MACC1: variants seen among roughly 807,000 people sequenced by gnomAD.
The protein encoded by MACC1 is MET transcriptional regulator MACC1.
MACC1 carries 79 observed loss-of-function variants against 70.7 expected under a neutral mutation model. That is an observed-to-expected ratio of 1.12 (90% CI 0.93 to 1.35). The LOEUF is 1.35. Ranked by LOEUF, MACC1 falls within the 40% of genes most tolerant of loss-of-function variation. MACC1 has a pLI of 0.00. For missense variants in MACC1, 1,106 were observed against 978.1 expected, an observed-to-expected ratio of 1.13 and a Z score of -1.74; for synonymous variants, 361 against 347.2, an observed-to-expected ratio of 1.04 and a Z score of -0.44.
intron 2 of MACC1, among the ~76,000 whole-genome samples, chr7:20,164,683 T>A (rs1782187407): frequency 6.6e-6 from 1 of 152,200 alleles, no homozygotes. Context: ...CCAAATGCTG[T>A]GGTTGATTTT....
chr7:20,181,068 G>T (rs1351867126), intron 1 of MACC1, among the ~76,000 whole-genome samples: 1 of 136,374 alleles, frequency 7.3e-6, no homozygotes, highest in Admixed American at 7.8e-5. Flanking sequence ...CTGTTCTAAG[G>T]ATGTATGTGC....
chr7:20,187,693 CT>C (rs533252434), intron 1 of MACC1, among the ~76,000 whole-genome samples: 101 of 152,306 alleles, frequency 6.6e-4, no homozygotes, highest in African/African-American at 2.4e-3. Flanking sequence ...ACTGATCAGA[CT>C]TGCTTTCAAT....
chr7:20,153,765 C>G (rs1782014676), intron 6 of MACC1, among the ~76,000 whole-genome samples: 1 of 152,138 alleles, frequency 6.6e-6, no homozygotes, highest in African/African-American at 2.4e-5. Flanking sequence ...CTTCTTGTCC[C>G]TGAGCATTAG....
In MACC1 at chr7:20,137,966, A is replaced by T. The variant is rs1268283901; in HGVS notation, c.*2980T>A. On this transcript the variant is annotated 3_prime_UTR_variant, in exon 7 of 7. Coordinates refer to ENST00000400331, the MANE Select transcript of MACC1 (RefSeq NM_182762.4). ...TCAGGAGTTCCAGACCAGTCTGGCC[A>T]AAATGGTAAAACCTTGTCTCCACTA... The T allele has an allele frequency of 6.6e-6, 1 of 152,062 alleles. No homozygotes were observed. Among genetic ancestry groups the T allele is most frequent in the African/African-American group, 2.4e-5 (1 of 41,402 alleles). 9.4% of individuals were successfully genotyped at this position (152,062 alleles called of 1,614,324 possible). A position where few individuals can be genotyped will look rare whatever the true frequency, so the allele number is the denominator to read the frequency against.
chr7:20,138,889 G>C lies in MACC1; in HGVS notation c.*2057C>G, dbSNP rs989818523. 1.3e-5 allele frequency: 2 copies of C among 152,156 alleles called. No individual in the cohort carries two copies. The highest frequency in any genetic ancestry group is 6.5e-5 in the Admixed American group (1 of 15,278). The allele number at this position is 152,156 out of a possible 1,614,324, so 9.4% of individuals were successfully genotyped here. A position where few individuals can be genotyped will look rare whatever the true frequency, so the allele number is the denominator to read the frequency against. ...GGGTTTCACCGCGTTAGCCAGGATG[G>C]TCTCGATCTCCTGACCTAGTGATCT... On this transcript the variant is annotated 3_prime_UTR_variant, in exon 7 of 7. Coordinates refer to ENST00000400331, the MANE Select transcript of MACC1 (RefSeq NM_182762.4).
chr7:20,210,120 C>T (rs1782974572), intron 1 of MACC1, among the ~76,000 whole-genome samples: 1 of 152,120 alleles, frequency 6.6e-6, no homozygotes, highest in Non-Finnish European at 1.5e-5. Flanking sequence ...AACTAATGCA[C>T]ACACAAACCT....
At chr7:20,156,948 C>T (rs1782062836) in intron 5 of MACC1, among the ~76,000 whole-genome samples, 2 of 152,140 alleles carry the variant, frequency 1.3e-5, no homozygotes, top group South Asian at 4.1e-4. Context: ...AATACAAATA[C>T]CTACACATAC....
intron 2 of MACC1, among the ~76,000 whole-genome samples, chr7:20,169,834 A>T (rs1782276169): frequency 6.6e-6 from 1 of 152,224 alleles, no homozygotes; most frequent in Non-Finnish European, 1.5e-5. Flanking sequence ...GTTCATAAGG[A>T]TCAAATGAAA....
chr7:20,144,960 C>T (rs550721961), intron 6 of MACC1, among the ~76,000 whole-genome samples: 6 of 152,122 alleles, frequency 3.9e-5, no homozygotes, highest in Admixed American at 2.6e-4. Flanking sequence ...TTGCAAAAGC[C>T]AAGAAGTATA....
At chr7:20,185,617 A>G (rs1269100322) in intron 1 of MACC1, among the ~76,000 whole-genome samples, 3 of 152,230 alleles carry the variant, frequency 2.0e-5, no homozygotes, top group Non-Finnish European at 4.4e-5. Context: ...AATATTTTAA[A>G]ATCATTACCT....
intron 1 of MACC1, among the ~76,000 whole-genome samples, chr7:20,178,278 CA>C (rs1782428019): frequency 6.6e-6 from 1 of 151,950 alleles, no homozygotes; most frequent in East Asian, 1.9e-4. Context: ...CACACACACA[CA>C]CACACACACA....
At chr7:20,178,673 C>G (rs1782451660) in intron 1 of MACC1, among the ~76,000 whole-genome samples, 1 of 152,206 alleles carries the variant, frequency 6.6e-6, no homozygotes. Flanking sequence ...GATCTCGGCT[C>G]ACCGCAACCT....
intron 1 of MACC1, among the ~76,000 whole-genome samples, chr7:20,207,034 C>G (rs1782922997): frequency 6.6e-6 from 1 of 152,194 alleles, no homozygotes; most frequent in South Asian, 2.1e-4. Flanking sequence ...TGTGATAAAT[C>G]TGACCTGGTA....
intron 1 of MACC1, among the ~76,000 whole-genome samples, chr7:20,196,646 C>G (rs1782759405): frequency 1.3e-5 from 2 of 151,758 alleles, no homozygotes; most frequent in Admixed American, 6.6e-5. Flanking sequence ...TGTATGTGCT[C>G]TATGTAATAT....
chr7:20,181,414 A>G (rs1782504816), intron 1 of MACC1, among the ~76,000 whole-genome samples: 2 of 152,204 alleles, frequency 1.3e-5, no homozygotes, highest in African/African-American at 2.4e-5. Flanking sequence ...AATAAAACTT[A>G]TAAGTGTATT....
At chr7:20,154,599 G>C (rs1470854526) in intron 5 of MACC1, among the ~76,000 whole-genome samples, 1 of 152,120 alleles carries the variant, frequency 6.6e-6, no homozygotes, top group African/African-American at 2.4e-5. Context: ...GGGAGATTTA[G>C]AACTAATTCA....
At chr7:20,216,488 C>T (rs1176729483) in intron 1 of MACC1, among the ~76,000 whole-genome samples, 3 of 151,928 alleles carry the variant, frequency 2.0e-5, no homozygotes, top group African/African-American at 7.3e-5. Context: ...ACTCTATATC[C>T]ATTAAACAAC....
At chr7:20,212,522 C>T (rs919434086) in intron 1 of MACC1, among the ~76,000 whole-genome samples, 2 of 152,124 alleles carry the variant, frequency 1.3e-5, no homozygotes, top group Admixed American at 1.3e-4. Context: ...CTCTTCAGCT[C>T]TCTTCTCCTG....
At chr7:20,164,985 C>A (rs1324013955) in intron 2 of MACC1, among the ~76,000 whole-genome samples, 2 of 151,448 alleles carry the variant, frequency 1.3e-5, no homozygotes, top group Non-Finnish European at 2.9e-5. Flanking sequence ...ATAGTTATAA[C>A]CAAATGGAAT....
Sources: allele counts gnomAD v4.1 joint callset (sites outside exome capture counted in the v4.1 genomes callset), GRCh38; gene constraint gnomAD v4.1.1; transcripts MANE v1.5; gene names NCBI Gene and HGNC (gene_info 2026-07-23, HGNC 2026-07-21).